The following UST variants were observed in gnomAD, a reference collection of about 807,000 sequenced individuals.
The protein encoded by UST is uronyl 2-sulfotransferase.
In UST, 21 loss-of-function variants were observed where a neutral mutation model predicts 45.6. The ratio of observed to expected loss-of-function variants is 0.46; its 90% CI spans 0.33 to 0.66. UST has a LOEUF of 0.66. Ranked by LOEUF, UST falls within the 30% of genes least tolerant of loss-of-function variation. The probability of loss-of-function intolerance (pLI) is 0.02; values close to 1 mark genes in which losing one functional copy is unlikely to be tolerated. For missense variants in UST, 463 were observed against 512.4 expected (o/e 0.90, Z 0.93); for synonymous variants, 215 against 200.6 (o/e 1.07, Z -0.61).
chr6:148,989,219 A>T (rs6915872), intron 5 of UST, among the ~76,000 whole-genome samples: 1 of 67,894 alleles, frequency 1.5e-5, no homozygotes, highest in Non-Finnish European at 3.2e-5. Flanking sequence ...GCCCCCCCCC[A>T]CCCCCCGCAA....
At chr6:149,027,087 A>G (rs995536033) in intron 7 of UST, among the ~76,000 whole-genome samples, 4 of 151,670 alleles carry the variant, frequency 2.6e-5, no homozygotes, top group African/African-American at 7.3e-5. Context: ...TTTTTTTACT[A>G]TGCATGAATG....
At chr6:148,848,765 T>G (rs1170232884) in intron 1 of UST, among the ~76,000 whole-genome samples, 10 of 151,888 alleles carry the variant, frequency 6.6e-5, no homozygotes. Context: ...GAGAGACATA[T>G]GACAAGAAAT....
At chr6:148,912,401 G>A (rs950506910) in intron 2 of UST, among the ~76,000 whole-genome samples, 7 of 152,194 alleles carry the variant, frequency 4.6e-5, no homozygotes, top group African/African-American at 1.2e-4. Context: ...GACGAAGGCC[G>A]AGCAGGCCCA....
At chr6:149,070,892 C>T (rs1162796118) in intron 7 of UST, among the ~76,000 whole-genome samples, 7 of 152,232 alleles carry the variant, frequency 4.6e-5, no homozygotes, top group South Asian at 4.2e-4. Context: ...CTCAGGCTCC[C>T]GAGTAGCTGG....
At chr6:149,015,197 G>A (rs966360255) in intron 5 of UST, among the ~76,000 whole-genome samples, 10 of 152,178 alleles carry the variant, frequency 6.6e-5, no homozygotes, top group African/African-American at 2.2e-4. Context: ...GATAAAAGAC[G>A]ATTTTGCTGT....
intron 1 of UST, among the ~76,000 whole-genome samples, chr6:148,835,195 T>A (rs982263031): frequency 6.6e-6 from 1 of 152,198 alleles, no homozygotes; most frequent in Non-Finnish European, 1.5e-5. Context: ...ACAGTATAAC[T>A]ATTAATACAT....
chr6:148,884,132 C>CAAAA (rs35086035), intron 1 of UST, among the ~76,000 whole-genome samples: 27 of 94,846 alleles, frequency 2.8e-4, no homozygotes, highest in African/African-American at 8.2e-4. Flanking sequence ...GACACCGTCT[C>CAAAA]AAAAAAAAAA....
chr6:148,870,047 G>A (rs1024123796), intron 1 of UST, among the ~76,000 whole-genome samples: 2 of 151,082 alleles, frequency 1.3e-5, no homozygotes, highest in African/African-American at 4.9e-5. Flanking sequence ...AGTCCTCACA[G>A]ACTACTTCTA....
chr6:148,791,595 T>C (rs940658791), intron 1 of UST, among the ~76,000 whole-genome samples: 2 of 152,186 alleles, frequency 1.3e-5, no homozygotes, highest in African/African-American at 4.8e-5. Flanking sequence ...ACAGTACTGA[T>C]CACTAAGCAC....
intron 1 of UST, among the ~76,000 whole-genome samples, chr6:148,868,889 A>G (rs548147801): frequency 5.3e-4 from 81 of 152,328 alleles, no homozygotes; most frequent in African/African-American, 1.8e-3. Flanking sequence ...CTCTATTTTA[A>G]ATATAATCGT....
intron 2 of UST, among the ~76,000 whole-genome samples, chr6:148,891,437 C>T (rs2114849504): frequency 6.6e-6 from 1 of 152,312 alleles, no homozygotes; most frequent in African/African-American, 2.4e-5. Context: ...TTCCTGTGTG[C>T]CACACACTAT....
intron 7 of UST, among the ~76,000 whole-genome samples, chr6:149,049,040 G>T (rs549096876): frequency 2.0e-5 from 3 of 152,106 alleles, no homozygotes; most frequent in Admixed American, 6.5e-5. Context: ...GTGGTAGTAG[G>T]GGCATAGGTA....
intron 7 of UST, among the ~76,000 whole-genome samples, chr6:149,048,330 G>T (rs1348139215): frequency 6.6e-6 from 1 of 152,060 alleles, no homozygotes; most frequent in African/African-American, 2.4e-5. Context: ...ATCACTTGAG[G>T]TCAGGAGTTC....
intron 5 of UST, among the ~76,000 whole-genome samples, chr6:148,997,232 T>A (rs1364496704): frequency 6.6e-6 from 1 of 152,248 alleles, no homozygotes; most frequent in South Asian, 2.1e-4. Context: ...AATACCAGCA[T>A]AATAAAGGGG....
intron 5 of UST, among the ~76,000 whole-genome samples, chr6:148,984,158 TC>T (rs752687178): frequency 3.3e-5 from 5 of 152,250 alleles, no homozygotes; most frequent in Non-Finnish European, 5.9e-5. Context: ...CCTTCATTCT[TC>T]CTTTCAACAA....
chr6:148,987,884 A>C (rs767238387), intron 5 of UST, among the ~76,000 whole-genome samples: 116 of 152,244 alleles, frequency 7.6e-4, no homozygotes, highest in Admixed American at 1.2e-3. Context: ...CCAAACAGAC[A>C]TGAGCATCTA....
intron 3 of UST, among the ~76,000 whole-genome samples, chr6:148,945,401 C>A (rs2114928065): frequency 6.6e-6 from 1 of 152,284 alleles, no homozygotes; most frequent in East Asian, 1.9e-4. Context: ...CTCAGCAGAG[C>A]CTTTTAAAAC....
intron 7 of UST, among the ~76,000 whole-genome samples, chr6:149,038,873 A>G (rs1302589296): frequency 6.6e-6 from 1 of 152,214 alleles, no homozygotes; most frequent in Non-Finnish European, 1.5e-5. Context: ...CAGTGATGCA[A>G]TGAAATATAG....
intron 7 of UST, among the ~76,000 whole-genome samples, chr6:149,062,685 TAAC>T (rs752555890): frequency 1.6e-4 from 25 of 152,302 alleles, no homozygotes; most frequent in South Asian, 1.2e-3. Context: ...ATTTGGAAAT[TAAC>T]AGCCTGTGGT....
Sources: allele counts gnomAD v4.1 joint callset (sites outside exome capture counted in the v4.1 genomes callset), GRCh38; gene constraint gnomAD v4.1.1; transcripts MANE v1.5; gene names NCBI Gene and HGNC (gene_info 2026-07-23, HGNC 2026-07-21).